The following KANK1 variants were observed in gnomAD, a reference collection of about 807,000 sequenced individuals.
The protein encoded by KANK1 is KN motif and ankyrin repeat domain-containing protein 1.
A neutral mutation model predicts 106.2 loss-of-function variants in KANK1; 109 were observed. The observed-to-expected ratio is 1.03, with a 90% confidence interval of 0.88 to 1.20. The LOEUF (loss-of-function observed/expected upper bound fraction) is 1.20, where lower values mean the gene tolerates loss of function less well. Ranked by LOEUF, KANK1 falls within the 50% of genes most tolerant of loss-of-function variation. The pLI, the probability that KANK1 is intolerant of heterozygous loss-of-function variation, is 0.00. For missense variants in KANK1, 2,399 were observed against 1,710.7 expected, an observed-to-expected ratio of 1.40 and a Z score of -7.10; for synonymous variants, 873 against 652.2, an observed-to-expected ratio of 1.34 and a Z score of -5.16.
intron 10 of KANK1, among the ~76,000 whole-genome samples, chr9:743,037 G>A (rs369056717): frequency 6.6e-6 from 1 of 152,272 alleles, no homozygotes; most frequent in South Asian, 2.1e-4. Context: ...TCAACCAAAG[G>A]GGGTACTTTT....
intron 1 of KANK1, among the ~76,000 whole-genome samples, chr9:654,583 G>A (rs1001758699): frequency 6.6e-6 from 1 of 151,474 alleles, no homozygotes; most frequent in South Asian, 2.1e-4. Context: ...CCACTCAATC[G>A]TTTCTCATCC....
intron 1 of KANK1, among the ~76,000 whole-genome samples, chr9:664,854 G>A (rs567608157): frequency 6.6e-6 from 1 of 152,126 alleles, no homozygotes; most frequent in East Asian, 1.9e-4. Flanking sequence ...TGTCTTTTTT[G>A]ATAAAAGCTA....
intron 1 of KANK1, among the ~76,000 whole-genome samples, chr9:555,309 C>T (rs749042626): frequency 6.6e-6 from 1 of 152,160 alleles, no homozygotes; most frequent in Non-Finnish European, 1.5e-5. Context: ...ATTGGGAAGA[C>T]AGTGGGGACA....
chr9:719,262 C>T (rs903318606), intron 3 of KANK1, among the ~76,000 whole-genome samples: 8 of 152,166 alleles, frequency 5.3e-5, no homozygotes, highest in African/African-American at 1.9e-4. Flanking sequence ...CCAGCGCGCC[C>T]GGCCTCAAGC....
intron 1 of KANK1, among the ~76,000 whole-genome samples, chr9:598,620 C>CTTTTGTTTTTTTTTTT (rs1826841386): frequency 2.1e-5 from 1 of 46,660 alleles, no homozygotes; most frequent in Non-Finnish European, 4.3e-5. Context: ...TGTTGGTTTT[C>CTTTTGTTTTTTTTTTT]TTTTTTTTTT....
chr9:625,898 G>A (rs1326943724), intron 1 of KANK1, among the ~76,000 whole-genome samples: 2 of 151,846 alleles, frequency 1.3e-5, no homozygotes, highest in African/African-American at 2.4e-5. Context: ...ACTCCCCACG[G>A]TCCCCAGATG....
intron 1 of KANK1, among the ~76,000 whole-genome samples, chr9:561,929 C>T (rs574537185): frequency 5.3e-4 from 80 of 152,058 alleles, no homozygotes; most frequent in African/African-American, 1.8e-3. Context: ...CAGGCAACAA[C>T]GCAATGCTGT....
At chr9:657,928 G>A (rs1009028986) in intron 1 of KANK1, among the ~76,000 whole-genome samples, 1 of 151,946 alleles carries the variant, frequency 6.6e-6, no homozygotes, top group African/African-American at 2.4e-5. Context: ...AATTGCCCAG[G>A]CTGGAATGCA....
intron 1 of KANK1, among the ~76,000 whole-genome samples, chr9:643,797 G>A (rs1368978331): frequency 6.7e-6 from 1 of 150,286 alleles, no homozygotes; most frequent in Non-Finnish European, 1.5e-5. Flanking sequence ...CCGCCTCCTG[G>A]GTTCAAACAA....
chr9:637,669 C>T (rs923513682), intron 1 of KANK1, among the ~76,000 whole-genome samples: 2 of 152,016 alleles, frequency 1.3e-5, no homozygotes, highest in African/African-American at 4.8e-5. Context: ...AAGCCAGGAA[C>T]GAGTGTATAT....
intron 9 of KANK1, among the ~76,000 whole-genome samples, chr9:741,487 CT>C (rs71314737): frequency 0.28 from 30,442 of 108,446 alleles, 3,751 homozygotes; most frequent in East Asian, 0.48. Flanking sequence ...CCACACCTGG[CT>C]TTTTTTTTTT....
intron 10 of KANK1, among the ~76,000 whole-genome samples, chr9:744,288 G>C (rs555659353): frequency 2.0e-5 from 3 of 152,304 alleles, no homozygotes; most frequent in South Asian, 4.1e-4. Context: ...GGGACCTCTG[G>C]AGGGTGGAGG....
chr9:480,781 A>T (rs528201462), intron 3 of KANK1, among the ~76,000 whole-genome samples: 85 of 152,206 alleles, frequency 5.6e-4, no homozygotes, highest in Non-Finnish European at 1.0e-3. Flanking sequence ...GGAAAGCTGA[A>T]GATCTGCAGA....
At chr9:623,824 G>A (rs1833748004) in intron 1 of KANK1, among the ~76,000 whole-genome samples, 1 of 152,040 alleles carries the variant, frequency 6.6e-6, no homozygotes, top group Non-Finnish European at 1.5e-5. Context: ...TATGGACATT[G>A]GTATGGAAGT....
intron 3 of KANK1, among the ~76,000 whole-genome samples, chr9:725,884 T>A (rs72693444): frequency 0.059 from 8,924 of 152,250 alleles, 587 homozygotes; most frequent in East Asian, 0.2. Context: ...TTGAAAGGGA[T>A]AAAGTTGTGA....
intron 1 of KANK1, among the ~76,000 whole-genome samples, chr9:608,982 G>T (rs923111010): frequency 6.6e-6 from 1 of 152,026 alleles, no homozygotes; most frequent in African/African-American, 2.4e-5. Flanking sequence ...GTTAGCTTTC[G>T]GGGTCACTGC....
chr9:502,635 G>T (rs552915055), upstream of KANK1, among the ~76,000 whole-genome samples: 1 of 151,632 alleles, frequency 6.6e-6, no homozygotes, highest in Non-Finnish European at 1.5e-5. Flanking sequence ...GGATTCTCCT[G>T]CCTCAGCCTC....
intron 2 of KANK1, chr9:684,610 C>A (rs531348099): frequency 1.2e-5 from 12 of 983,850 alleles, no homozygotes; most frequent in African/African-American, 1.7e-5. Context: ...TATGCACTTC[C>A]CCTCTTTCTT....
At position 744,201 on chromosome 9, in the gene KANK1, A is replaced by G. The variant is rs531447549; in HGVS notation, c.3898-290A>G. ...GGTCATTCATAATTAATTAGAAGAA[A>G]AAAAAACTTTCTATCCCCATCTTCT... On this transcript the variant is annotated intron_variant, in intron 10 of 11. Coordinates refer to ENST00000382297, the MANE Select transcript of KANK1 (RefSeq NM_015158.5). Among the ~76,000 whole-genome samples the G allele has an allele frequency of 1.4e-3, 213 of 151,436 alleles. 2 individuals carry two copies. The highest frequency in any genetic ancestry group is 2.0e-3 in the Non-Finnish European group (135 of 67,730).
Sources: gnomAD v4.1 joint callset for allele counts (sites outside exome capture counted in the v4.1 genomes callset) on GRCh38, gnomAD v4.1.1 for gene constraint, MANE v1.5 for transcripts, NCBI Gene and HGNC (gene_info 2026-07-23, HGNC 2026-07-21) for gene names.